EPB41L2: variants seen among roughly 807,000 people sequenced by gnomAD.
EPB41L2 encodes the protein band 4.1-like protein 2.
EPB41L2 carries 43 observed loss-of-function variants against 113.0 expected under a neutral mutation model. That is an observed-to-expected ratio of 0.38 (90% CI 0.30 to 0.49). The LOEUF (loss-of-function observed/expected upper bound fraction) is 0.49, where lower values mean the gene tolerates loss of function less well. Among genes scored for constraint, EPB41L2 ranks in the 20% least tolerant of loss-of-function variants. The probability of loss-of-function intolerance (pLI) is 0.95; values close to 1 mark genes in which losing one functional copy is unlikely to be tolerated. For missense variants in EPB41L2, 1,147 were observed against 1,223.4 expected (o/e 0.94, Z 0.93); for synonymous variants, 442 against 436.7 (o/e 1.01, Z -0.15).
intron 4 of EPB41L2, among the ~76,000 whole-genome samples, chr6:130,921,813 G>C (rs560720419): frequency 6.6e-6 from 1 of 152,026 alleles, no homozygotes; most frequent in Non-Finnish European, 1.5e-5. Context: ...ATTTAGGACA[G>C]GGTATATTAA....
chr6:130,886,307 C>T (rs1790954282), intron 11 of EPB41L2, among the ~76,000 whole-genome samples: 1 of 152,148 alleles, frequency 6.6e-6, no homozygotes, highest in Admixed American at 6.5e-5. Flanking sequence ...CTTCACCTGC[C>T]CTGTCCAAAA....
In EPB41L2 at chr6:131,008,683, C is replaced by T. The variant is rs997534845; in HGVS notation, c.-14-52184G>A. On this transcript the variant is annotated intron_variant, in intron 1 of 19. Transcript: ENST00000337057. Reference sequence around the variant, plus strand: ...CTGCAAAGCCACAGGGGTGGAACTTCCCAAGGCCATGGGAGCCCAACTCTT... The same window carrying T: ...CTGCAAAGCCACAGGGGTGGAACTTTCCAAGGCCATGGGAGCCCAACTCTT... Among the ~76,000 whole-genome samples, 3 of 152,246 alleles carry T rather than the reference C, an allele frequency of 2.0e-5. No individual in the cohort carries two copies. The East Asian group carries it at 5.8e-4, about 29-fold the overall frequency.
chr6:130,924,413 T>C (rs1422040435), intron 4 of EPB41L2, among the ~76,000 whole-genome samples: 1 of 151,902 alleles, frequency 6.6e-6, no homozygotes, highest in African/African-American at 2.4e-5. Flanking sequence ...AGTTTCGCTC[T>C]TGTTGCCCAG....
chr6:131,045,733 C>T (rs746764457), intron 1 of EPB41L2, among the ~76,000 whole-genome samples: 1 of 152,138 alleles, frequency 6.6e-6, no homozygotes, highest in Non-Finnish European at 1.5e-5. Context: ...TCCCTATAAA[C>T]TTCTGTGAAA....
intron 14 of EPB41L2, chr6:130,872,410 A>C: frequency 7.8e-7 from 1 of 1,289,300 alleles, no homozygotes; most frequent in Non-Finnish European, 1.0e-6. Flanking sequence ...AAAGCTTTTC[A>C]GAAGGTGCAT....
intron 1 of EPB41L2, among the ~76,000 whole-genome samples, chr6:131,050,857 G>C (rs768957389): frequency 3.3e-5 from 5 of 152,208 alleles, no homozygotes; most frequent in Non-Finnish European, 5.9e-5. Flanking sequence ...GCCTCCCAAA[G>C]TGCTGGGATT....
intron 14 of EPB41L2, among the ~76,000 whole-genome samples, chr6:130,874,797 A>T (rs1235527456): frequency 6.6e-6 from 1 of 152,218 alleles, no homozygotes; most frequent in East Asian, 1.9e-4. Context: ...TTTACACTGT[A>T]CATTCCTAAA....
At chr6:131,010,781 C>G (rs943964448) in intron 1 of EPB41L2, among the ~76,000 whole-genome samples, 2 of 152,132 alleles carry the variant, frequency 1.3e-5, no homozygotes, top group South Asian at 4.1e-4. Flanking sequence ...AGCAAATAGG[C>G]AGATCATTCT....
rs1312890583 is a variant in EPB41L2 at position 130,878,169 on chromosome 6, G to A, written c.1978C>T (p.Pro660Ser). The change falls in exon 14 of 20, where the codon CCT becomes TCT. Residue 660 changes from proline (P) to serine (S), a missense_variant. By Grantham distance (74) the Pro-to-Ser change is moderately conservative. Transcript: ENST00000337057. ...ELKRNFMEST[P>S]EPRPNEWEKR... ...TCCCATTCATTAGGGCGCGGCTCAG[G>A]TGTGGATTCCATAAAATTGCGCTTG... 1 of 1,613,658 alleles carries A rather than the reference G, an allele frequency of 6.2e-7. No individual in the cohort carries two copies. The highest frequency in any genetic ancestry group is 8.5e-7 in the Non-Finnish European group (1 of 1,179,878).
At chr6:131,059,082 ATTTATTTCT>A (rs1442155173) in intron 1 of EPB41L2, among the ~76,000 whole-genome samples, 1 of 102,668 alleles carries the variant, frequency 9.7e-6, no homozygotes, top group African/African-American at 4.1e-5. Flanking sequence ...AACTGAGATT[ATTTATTTCT>A]TTCCTTCTTG....
At chr6:130,907,236 G>T (rs775992154) in intron 5 of EPB41L2, among the ~76,000 whole-genome samples, 1 of 152,172 alleles carries the variant, frequency 6.6e-6, no homozygotes, top group African/African-American at 2.4e-5. Flanking sequence ...CTAAGCATCC[G>T]TAACCTTTTT....
At chr6:130,993,376 C>T (rs1782329287) in intron 1 of EPB41L2, among the ~76,000 whole-genome samples, 1 of 152,146 alleles carries the variant, frequency 6.6e-6, no homozygotes, top group Non-Finnish European at 1.5e-5. Context: ...AACACAGGTA[C>T]TTATAATTGT....
chr6:130,966,408 T>A (rs1017425831), intron 1 of EPB41L2, among the ~76,000 whole-genome samples: 2 of 152,192 alleles, frequency 1.3e-5, no homozygotes, highest in Admixed American at 6.5e-5. Flanking sequence ...AAGTGATAGG[T>A]CACTTTATAT....
intron 19 of EPB41L2, among the ~76,000 whole-genome samples, chr6:130,844,536 A>C (rs1329109720): frequency 6.6e-6 from 1 of 152,000 alleles, no homozygotes; most frequent in East Asian, 1.9e-4. Flanking sequence ...GTGCCACTGT[A>C]CTCCAGCCTG....
chr6:131,032,013 C>A (rs1217844655), intron 1 of EPB41L2, among the ~76,000 whole-genome samples: 1 of 152,080 alleles, frequency 6.6e-6, no homozygotes, highest in East Asian at 1.9e-4. Flanking sequence ...ATGGCTTCAA[C>A]CCTGAGAAAA....
At chr6:130,969,586 A>T (rs1021823365) in intron 1 of EPB41L2, among the ~76,000 whole-genome samples, 9 of 152,176 alleles carry the variant, frequency 5.9e-5, no homozygotes, top group Admixed American at 2.6e-4. Flanking sequence ...GTATTTACTT[A>T]GGGTGTGACA....
At chr6:130,865,485 T>C in intron 17 of EPB41L2, 51 bp downstream of exon 17, 1 of 1,540,890 alleles carries the variant, frequency 6.5e-7, no homozygotes, top group Non-Finnish European at 8.9e-7. Flanking sequence ...TCAGAAAAGA[T>C]TCTGTCTGTA....
intron 19 of EPB41L2, among the ~76,000 whole-genome samples, chr6:130,851,281 A>T (rs539814234): frequency 6.6e-6 from 1 of 152,326 alleles, no homozygotes; most frequent in East Asian, 1.9e-4. Context: ...TCATCAAGTC[A>T]GCTAGGCAGC....
intron 16 of EPB41L2, among the ~76,000 whole-genome samples, chr6:130,867,248 C>T (rs1284947516): frequency 6.6e-6 from 1 of 152,136 alleles, no homozygotes; most frequent in Non-Finnish European, 1.5e-5. Context: ...TACAGTTCCC[C>T]TATAATTACT....
Sources: allele counts gnomAD v4.1 joint callset (sites outside exome capture counted in the v4.1 genomes callset), GRCh38; gene constraint gnomAD v4.1.1; transcripts MANE v1.5; gene names NCBI Gene and HGNC (gene_info 2026-07-23, HGNC 2026-07-21).